The following NLRC4 variants were observed in gnomAD, a reference collection of about 807,000 sequenced individuals.
NLRC4 encodes NLR family CARD domain containing 4, also known as NLR family CARD domain-containing protein 4.
Under a neutral mutation model 79.9 loss-of-function variants are expected in NLRC4, and 63 were observed. That is an observed-to-expected ratio of 0.79 (90% CI 0.64 to 0.97). The LOEUF is 0.97. NLRC4 is among the 50% of genes least tolerant of loss of function. The pLI is 0.00. For synonymous variants in NLRC4, 461 were observed against 456.5 expected (o/e 1.01, Z -0.12); for missense variants, 1,074 against 1,215.2 (o/e 0.88, Z 1.73).
intron 4 of NLRC4, among the ~76,000 whole-genome samples, chr2:32,249,293 G>A (rs1687008270): frequency 6.6e-6 from 1 of 152,180 alleles, no homozygotes; most frequent in African/African-American, 2.4e-5. Context: ...GTGAACATGG[G>A]TTGTATGTTA....
chr2:32,236,111 CTAAA>C, intron 7 of NLRC4, 132 bp downstream of exon 7: 3 of 559,128 alleles, frequency 5.4e-6, no homozygotes, highest in Non-Finnish European at 3.1e-6. Context: ...TAAGAAAGGC[CTAAA>C]TGATTTTCCT....
In NLRC4 at chr2:32,256,875, T is replaced by C. The variant is rs1029989401; in HGVS notation, c.-100A>G. The C allele has an allele frequency of 2.8e-6, 2 of 726,208 alleles. No homozygotes were observed. Among genetic ancestry groups the C allele is most frequent in the Non-Finnish European group, 5.1e-6 (2 of 389,870 alleles). The allele number at this position is 726,208 out of a possible 1,614,324, so 45.0% of individuals were successfully genotyped here. On this transcript the variant is annotated 5_prime_UTR_variant, in exon 2 of 9. Transcript: ENST00000402280. ...GATCCCAATATTGTCCTCTTTTTTCTGTAAAACTACTCTTCATTCTGTAAA... is the reference window on the plus strand; with the variant it reads ...GATCCCAATATTGTCCTCTTTTTTCCGTAAAACTACTCTTCATTCTGTAAA...
intron 8 of NLRC4, among the ~76,000 whole-genome samples, chr2:32,228,071 T>C (rs1397660045): frequency 6.6e-6 from 1 of 152,220 alleles, no homozygotes; most frequent in Non-Finnish European, 1.5e-5. Flanking sequence ...TACTATGTGC[T>C]GCGGATTATG....
rs754242124 is a variant in NLRC4, at chr2:32,250,841, C to G, written c.1023G>C (p.Val341=). ...CCATCTGGATTGCACAAGTGATGACCACAAAGAGAGGGGTCTTCATGAGAT... is the reference window on the plus strand; with the variant it reads ...CCATCTGGATTGCACAAGTGATGACGACAAAGAGAGGGGTCTTCATGAGAT... The part of the protein sequence containing the change: ...LRNLMKTPLF[V]VITCAIQMGE... The change falls in exon 4 of 9, where the codon GTG becomes GTC. Residue 341 remains valine (V), a synonymous_variant. Transcript: ENST00000402280. The surrounding 1 kb of genome is among the most constrained non-coding windows in gnomAD (Gnocchi z 4.9). The G allele has an allele frequency of 5.0e-6, 8 of 1,614,042 alleles. No homozygotes were observed. Among genetic ancestry groups the G allele is most frequent in the Non-Finnish European group, 6.8e-6 (8 of 1,180,040 alleles).
At chr2:32,230,139 C>T (rs1298274815) in intron 8 of NLRC4, among the ~76,000 whole-genome samples, 1 of 151,924 alleles carries the variant, frequency 6.6e-6, no homozygotes, top group East Asian at 1.9e-4. Context: ...AAAGAGACTG[C>T]CCTTAGGTAG....
At chr2:32,244,344 C>T (rs1251878637) in intron 4 of NLRC4, among the ~76,000 whole-genome samples, 2 of 151,896 alleles carry the variant, frequency 1.3e-5, no homozygotes, top group African/African-American at 2.4e-5. Flanking sequence ...ACATCTTTAG[C>T]ACAATCCAAC....
chr2:32,250,922 G>C lies in NLRC4; in HGVS notation c.942C>G (p.Ile314Met). The change falls in exon 4 of 9, where the codon ATC (isoleucine) becomes ATG (methionine). Residue 314 changes from isoleucine to methionine, a missense_variant. Coordinates refer to ENST00000402280, the MANE Select transcript of NLRC4 (RefSeq NM_001199138.2). This position sits in a 1 kb window ranked among gnomAD's most constrained non-coding sequence, Gnocchi z 4.9. ...SAQALIREVLIKELAEGLLLQ... is the reference protein window; with the variant it reads ...SAQALIREVLMKELAEGLLLQ... The stretch of plus-strand genomic sequence containing the variant: ...GCAACAAGCCTTCAGCAAGCTCCTT[G>C]ATCAGCACTTCTCGGATGAGAGCCT... 1 of 1,613,952 alleles carries C rather than the reference G, an allele frequency of 6.2e-7. No homozygotes were observed.
Position 32,250,770 on chromosome 2 carries a change from G to T in NLRC4, c.1094C>A (p.Thr365Asn), listed in dbSNP as rs1252182440. 6.2e-7 allele frequency: 1 copy of T among 1,614,188 alleles called. No individual in the cohort carries two copies. Among genetic ancestry groups the T allele is most frequent in the Non-Finnish European group, 8.5e-7 (1 of 1,180,018 alleles). The change falls in exon 4 of 9, where the codon ACC becomes AAC. Residue 365 changes from threonine (T) to asparagine (N), a missense_variant. Physicochemically the swap from Thr to Asn is moderately conservative, Grantham distance 65 (BLOSUM62 0). Coordinates refer to ENST00000402280, the MANE Select transcript of NLRC4 (RefSeq NM_001199138.2). The surrounding 1 kb of genome is among the most constrained non-coding windows in gnomAD (Gnocchi z 4.9). Reference protein sequence around the residue: ...HSHTQTTLFHTFYDLLIQKNK... With the variant: ...HSHTQTTLFHNFYDLLIQKNK... The stretch of plus-strand genomic sequence containing the variant: ...TTTCTGTATCAACAGATCATAGAAG[G>T]TATGGAACAGCGTTGTTTGTGTGTG...
chr2:32,263,122 A>G (rs1263106391), intron 1 of NLRC4, among the ~76,000 whole-genome samples: 1 of 152,102 alleles, frequency 6.6e-6, no homozygotes, highest in Non-Finnish European at 1.5e-5. Context: ...ACCCACGTCT[A>G]TGGGGTCATT....
chr2:32,261,316 C>CCCTTTTTTTTTTTTTTTTTTTT lies in NLRC4; in HGVS notation c.-119+3421_-119+3422insAAAAAAAAAAAAAAAAAAAAGG. Among the ~76,000 whole-genome samples the CCCTTTTTTTTTTTTTTTTTTTT allele has an allele frequency of 5.2e-4, 50 of 96,912 alleles. 3 individuals are homozygous for CCCTTTTTTTTTTTTTTTTTTTT. The highest frequency in any genetic ancestry group is 1.6e-3 in the South Asian group (5 of 3,194). The allele number at this position is 96,912 out of a possible 152,430, so 63.6% of individuals were successfully genotyped here. On this transcript the variant is annotated intron_variant, in intron 1 of 8. Transcript: ENST00000402280. ...TTCTTTCGCCTATTAAGCCTCCCCC[C>CCCTTTTTTTTTTTTTTTTTTTT]TTTTGTTTTTTTTTGAGATGGAGCC...
chr2:32,250,065 TC>T lies in NLRC4; in HGVS notation c.1798del (p.Glu600AsnfsTer73), dbSNP rs774255891. The T allele has an allele frequency of 6.8e-6, 11 of 1,614,092 alleles. No individual in the cohort carries two copies. Among genetic ancestry groups the T allele is most frequent in the Non-Finnish European group, 9.3e-6 (11 of 1,180,034 alleles). On this transcript the variant is annotated frameshift_variant, in exon 4 of 9. Coordinates refer to ENST00000402280, the MANE Select transcript of NLRC4 (RefSeq NM_001199138.2). LOFTEE classifies it high-confidence loss of function. This position sits in a 1 kb window ranked among gnomAD's most constrained non-coding sequence, Gnocchi z 4.9. ...GGCACTTGCACAATTGGGCAAATGTTCAAAGAAGTCAAATAAGTAATCGGGG... is the reference window on the plus strand; with the variant it reads ...GGCACTTGCACAATTGGGCAAATGTTAAAGAAGTCAAATAAGTAATCGGGG... ...NIPDYLFDFFEHLPNCASALD... is the reference protein window; with the variant it reads ...NIPDYLFDFFXHLPNCASALD...
intron 5 of NLRC4, among the ~76,000 whole-genome samples, chr2:32,240,389 G>T (rs1299521159): frequency 1.0e-5 from 1 of 100,414 alleles, no homozygotes; most frequent in Non-Finnish European, 2.0e-5. Context: ...CTCAAGTAGG[G>T]AAAAAAAGAG....
At chr2:32,239,288 A>G (rs1366381195) in intron 5 of NLRC4, among the ~76,000 whole-genome samples, 3 of 152,208 alleles carry the variant, frequency 2.0e-5, no homozygotes, top group Admixed American at 6.5e-5. Flanking sequence ...TCTCAAAGAA[A>G]AGAAAAGAAA....
intron 6 of NLRC4, 82 bp downstream of exon 6, chr2:32,238,050 G>T: frequency 4.3e-5 from 38 of 890,104 alleles, no homozygotes; most frequent in Admixed American, 9.2e-5. Flanking sequence ...ATTTCCATTT[G>T]AGACATTTAG....
rs1686402268 is a variant in NLRC4, at chr2:32,226,536, G to T, written c.2783-1771C>A. 3.9e-5 allele frequency among the ~76,000 whole-genome samples: 6 copies of T among 152,238 alleles called. No homozygotes were observed. The South Asian group carries it at 1.2e-3, about 31-fold the overall frequency. ...CCTTCATGTCTCTTACCCATGGTCA[G>T]TGTCACTGACACCATCTTTGGGCCT... On this transcript the variant is annotated intron_variant, in intron 8 of 8. Coordinates refer to ENST00000402280, the MANE Select transcript of NLRC4 (RefSeq NM_001199138.2).
chr2:32,251,567 G>T lies in NLRC4; in HGVS notation c.297C>A (p.Asp99Glu), dbSNP rs199475952. 6.2e-6 allele frequency: 10 copies of T among 1,608,428 alleles called. No homozygotes were observed. In the East Asian group the frequency reaches 2.0e-4, roughly 32 times the overall value. The change falls in exon 4 of 9, where the codon GAC (aspartate) becomes GAA (glutamate). Residue 99 changes from aspartate (D) to glutamate (E), a missense_variant. Asp to Glu is a conservative substitution (Grantham distance 45). Transcript: ENST00000402280. ...LFHQTSEGDL[D>E]DLAQDLKDLY... ...AGTCCTTTAAATCCTGAGCCAAATC[G>T]TCCAAGTCTCCTTCTGATGTCTGAT...
In NLRC4 at chr2:32,236,802, G is replaced by A. The variant is rs534125011; in HGVS notation, c.2522-463C>T. On this transcript the variant is annotated intron_variant, in intron 6 of 8. Transcript: ENST00000402280. The stretch of plus-strand genomic sequence containing the variant: ...AGCTGGTTTTGTGTACCTCAACTTA[G>A]ATGATTTTATTGACATAATAGTTGA... Among the ~76,000 whole-genome samples the A allele has an allele frequency of 7.2e-5, 11 of 152,198 alleles. No homozygotes were observed. The East Asian group carries it at 1.9e-3, about 27-fold the overall frequency.
At chr2:32,235,365 A>C in intron 8 of NLRC4, 36 bp downstream of exon 8, 2 of 1,543,442 alleles carry the variant, frequency 1.3e-6, no homozygotes, top group Non-Finnish European at 1.8e-6. Flanking sequence ...TTAAGGGCCA[A>C]ATCCAGTTAT....
At chr2:32,235,326 A>C (rs1340325314) in intron 8 of NLRC4, 75 bp downstream of exon 8, 1 of 1,084,914 alleles carries the variant, frequency 9.2e-7, no homozygotes, top group Non-Finnish European at 1.4e-6. Flanking sequence ...ATAAGGGGGC[A>C]AAATAAGCAA....
Sources: gnomAD v4.1 joint callset for allele counts (sites outside exome capture counted in the v4.1 genomes callset) on GRCh38, gnomAD v4.1.1 for gene constraint, Gnocchi (gnomAD v3.1) non-coding constraint, MANE v1.5 for transcripts, NCBI Gene and HGNC (gene_info 2026-07-23, HGNC 2026-07-21) for gene names.